Variants in PLXDC1 observed in about 807,000 individuals in gnomAD.
The protein encoded by PLXDC1 is plexin domain-containing protein 1.
A neutral mutation model predicts 61.3 loss-of-function variants in PLXDC1; 39 were observed. The observed-to-expected ratio is 0.64, with a 90% CI of 0.49 to 0.83. The LOEUF (loss-of-function observed/expected upper bound fraction) is 0.83. PLXDC1 is among the 40% of genes least tolerant of loss of function. The pLI is 0.00. For synonymous variants in PLXDC1, 212 were observed against 254.5 expected (o/e 0.83, Z 1.59); for missense variants, 596 against 666.5 (o/e 0.89, Z 1.17).
intron 7 of PLXDC1, among the ~76,000 whole-genome samples, chr17:39,102,185 C>T (rs139812258): frequency 1.7e-3 from 257 of 152,242 alleles, no homozygotes; most frequent in Non-Finnish European, 2.7e-3. Context: ...GGCACCCCGC[C>T]CAAGCCAGGC....
chr17:39,096,678 G>A (rs62076654), intron 7 of PLXDC1, among the ~76,000 whole-genome samples: 1 of 152,298 alleles, frequency 6.6e-6, no homozygotes, highest in East Asian at 1.9e-4. Context: ...GCCAGCCAAG[G>A]GGCAGGCTAC....
chr17:39,098,628 A>G (rs1051117636), intron 7 of PLXDC1, among the ~76,000 whole-genome samples: 7 of 152,188 alleles, frequency 4.6e-5, no homozygotes, highest in Non-Finnish European at 8.8e-5. Flanking sequence ...AAGAAGAAGA[A>G]AAAAGTATCA....
chr17:39,119,715 A>G (rs1334178606), intron 2 of PLXDC1, among the ~76,000 whole-genome samples: 1 of 152,178 alleles, frequency 6.6e-6, no homozygotes, highest in African/African-American at 2.4e-5. Context: ...ACTGCACCCC[A>G]GCCTGGGCGA....
intron 2 of PLXDC1, among the ~76,000 whole-genome samples, chr17:39,114,297 A>G (rs933606439): frequency 3.9e-5 from 6 of 152,114 alleles, no homozygotes; most frequent in Admixed American, 1.3e-4. Context: ...TCTGGGAATC[A>G]CCACACAGTT....
At chr17:39,143,095 G>A (rs1911988709) in intron 1 of PLXDC1, among the ~76,000 whole-genome samples, 3 of 152,138 alleles carry the variant, frequency 2.0e-5, no homozygotes, top group Non-Finnish European at 2.9e-5. Flanking sequence ...CCGAGATTGC[G>A]CCACTGTACT....
chr17:39,139,692 C>T lies in PLXDC1; in HGVS notation c.217G>A (p.Ala73Thr), dbSNP rs765553979. The T allele has an allele frequency of 1.5e-5, 25 of 1,613,684 alleles. 1 individual carries two copies. In the East Asian group the frequency reaches 3.1e-4, roughly 20 times the overall value. ...CTGTTATCTGGCAGCGTGTCCATGGCCAGGGTGCCCCCACCCAGGTCCTGG... is the reference window on the plus strand; with the variant it reads ...CTGTTATCTGGCAGCGTGTCCATGGTCAGGGTGCCCCCACCCAGGTCCTGG... ...LSQDLGGGTL[A>T]MDTLPDNRTR... Residue 73 changes from alanine to threonine, a missense_variant, in exon 2 of 14, where the codon GCC becomes ACC. By Grantham distance (58) the Ala-to-Thr change is moderately conservative (BLOSUM62 0). Transcript: ENST00000315392.
intron 7 of PLXDC1, among the ~76,000 whole-genome samples, chr17:39,091,918 C>T (rs1044081526): frequency 4.9e-5 from 7 of 142,846 alleles, no homozygotes; most frequent in African/African-American, 1.1e-4. Context: ...GAGACTGCAC[C>T]ACTGCACTCC....
In PLXDC1 at chr17:39,067,788, TTAAC is replaced by T; in HGVS notation, c.*48_*51del. On this transcript the variant is annotated 3_prime_UTR_variant, in exon 14 of 14. Transcript: ENST00000315392. ...GGAAAAGTCACTTCTCTTCTTTGCT[TTAAC>T]TGTCTTTTCTGTGGCCTCAAAGTCT... is the stretch of plus-strand genomic sequence containing the variant. The T allele has an allele frequency of 6.4e-7, 1 of 1,559,986 alleles. No homozygotes were observed. Among genetic ancestry groups the T allele is most frequent in the Non-Finnish European group, 8.8e-7 (1 of 1,142,386 alleles).
intron 5 of PLXDC1, 96 bp downstream of exon 5, chr17:39,108,027 T>TGGGA: frequency 2.7e-6 from 4 of 1,505,282 alleles, no homozygotes; most frequent in Non-Finnish European, 2.8e-6. Flanking sequence ...CGTGGGACTG[T>TGGGA]GGGACCCTTG....
intron 2 of PLXDC1, among the ~76,000 whole-genome samples, chr17:39,116,612 G>T (rs1014325921): frequency 2.0e-5 from 3 of 152,220 alleles, no homozygotes; most frequent in South Asian, 2.1e-4. Flanking sequence ...ACACAGGAAG[G>T]TGTCTCTGGA....
chr17:39,096,508 T>A (rs12601626), intron 7 of PLXDC1, among the ~76,000 whole-genome samples: 51,012 of 152,082 alleles, frequency 0.34, 9,102 homozygotes, highest in Admixed American at 0.44. Context: ...TTCTGTAGCC[T>A]GCTCTGGGAC....
intron 2 of PLXDC1, among the ~76,000 whole-genome samples, chr17:39,115,328 G>T (rs1372451631): frequency 6.6e-6 from 1 of 152,248 alleles, no homozygotes; most frequent in East Asian, 1.9e-4. Context: ...GAGCCTCGAA[G>T]CCTAACGATG....
At chr17:39,082,629 A>G (rs1439558916) in intron 9 of PLXDC1, among the ~76,000 whole-genome samples, 1 of 151,634 alleles carries the variant, frequency 6.6e-6, no homozygotes, top group African/African-American at 2.4e-5. Flanking sequence ...ACAGGAACTC[A>G]GAGACTATAA....
upstream of PLXDC1, chr17:39,152,584 G>A: frequency 8.0e-7 from 1 of 1,251,552 alleles, no homozygotes; most frequent in Middle Eastern, 2.1e-4. Context: ...GCGCTGGAGA[G>A]TGGGAGACGG....
chr17:39,140,541 G>A (rs1281633629), intron 1 of PLXDC1, among the ~76,000 whole-genome samples: 2 of 152,178 alleles, frequency 1.3e-5, no homozygotes, highest in East Asian at 1.9e-4. Context: ...TCCTGACCTC[G>A]TGATCCACCC....
At position 39,114,356 on chromosome 17, in the gene PLXDC1, T is replaced by C. The variant is rs184467420; in HGVS notation, c.256-4965A>G. Reference sequence around the variant, plus strand: ...GCCTGTGCCTCAAAATTTCTTCCCTTCCCTGTTCAGGAGCTGACCCTTCCT... The same window carrying C: ...GCCTGTGCCTCAAAATTTCTTCCCTCCCCTGTTCAGGAGCTGACCCTTCCT... On this transcript the variant is annotated intron_variant, in intron 2 of 13. Coordinates refer to ENST00000315392, the MANE Select transcript of PLXDC1 (RefSeq NM_020405.5). Among the ~76,000 whole-genome samples the C allele has an allele frequency of 3.0e-4, 45 of 152,246 alleles. 1 individual carries two copies. Among genetic ancestry groups the C allele is most frequent in the Non-Finnish European group, 4.4e-5 (3 of 68,024 alleles).
At chr17:39,094,623 T>A (rs754898594) in intron 7 of PLXDC1, among the ~76,000 whole-genome samples, 3 of 151,976 alleles carry the variant, frequency 2.0e-5, no homozygotes, top group Non-Finnish European at 2.9e-5. Context: ...TAAGACAGAG[T>A]CTGCATGGAA....
In PLXDC1 at chr17:39,108,866, C is replaced by G. The variant is rs771197935; in HGVS notation, c.469+38G>C. The G allele has an allele frequency of 4.0e-6, 6 of 1,485,734 alleles. No homozygotes were observed. The Admixed American group carries it at 1.0e-4, about 25-fold the overall frequency. 92.0% of individuals were successfully genotyped at this position (1,485,734 alleles called of 1,614,324 possible). A position where few individuals can be genotyped will look rare whatever the true frequency, so the allele number is the denominator to read the frequency against. On this transcript the variant is annotated intron_variant, in intron 4 of 13. Transcript: ENST00000315392. ...AGGGCCCCTGAGTTCGGGCTGAGGT[C>G]TCCAGACTCTCCCCGGGGCCCCACG...
intron 2 of PLXDC1, among the ~76,000 whole-genome samples, chr17:39,115,997 C>G (rs951250087): frequency 1.3e-5 from 2 of 152,158 alleles, no homozygotes; most frequent in Non-Finnish European, 2.9e-5. Flanking sequence ...TGCCTGTAAT[C>G]CCAGCTACTG....
Sources: gnomAD v4.1 joint callset for allele counts (sites outside exome capture counted in the v4.1 genomes callset) on GRCh38, gnomAD v4.1.1 for gene constraint, MANE v1.5 for transcripts, NCBI Gene and HGNC (gene_info 2026-07-23, HGNC 2026-07-21) for gene names.